The following DISC1 variants were observed in gnomAD, a reference collection of about 807,000 sequenced individuals.
The protein encoded by DISC1 is disrupted in schizophrenia 1 protein.
DISC1 carries 57 observed loss-of-function variants against 84.5 expected under a neutral mutation model. That is an observed-to-expected ratio of 0.67 (90% CI 0.55 to 0.84). DISC1 has a LOEUF of 0.84. Among genes scored for constraint, DISC1 ranks in the 40% least tolerant of loss-of-function variants. The pLI is 0.00. For synonymous variants in DISC1, 411 were observed against 415.2 expected (o/e 0.99, Z 0.12); for missense variants, 1,000 against 1,057.8 (o/e 0.95, Z 0.76).
rs928093949 is a variant in DISC1, at chr1:232,040,202, G to C, written c.*3371G>C. 4.6e-5 allele frequency: 7 copies of C among 152,050 alleles called. No homozygotes were observed. Among genetic ancestry groups the C allele is most frequent in the African/African-American group, 7.2e-5 (3 of 41,408 alleles). 9.4% of individuals were successfully genotyped at this position (152,050 alleles called of 1,614,324 possible). ...AGACAGGGCTTCACCATGTTGGCTA[G>C]GAGGGTCTCAAACTCCTGACCTCAG... On this transcript the variant is annotated 3_prime_UTR_variant, in exon 13 of 13. Transcript: ENST00000439617.
At chr1:231,700,523 G>A (rs1390181206) in intron 2 of DISC1, among the ~76,000 whole-genome samples, 1 of 152,092 alleles carries the variant, frequency 6.6e-6, no homozygotes, top group Non-Finnish European at 1.5e-5. Context: ...TTTTGGTAAG[G>A]TCTCTGGTCA....
chr1:231,708,839 G>A (rs1025291502), intron 3 of DISC1, among the ~76,000 whole-genome samples: 1 of 152,012 alleles, frequency 6.6e-6, no homozygotes. Context: ...ACAGATGAGC[G>A]CTCTACACTT....
At chr1:231,961,922 C>T (rs933634234) in intron 10 of DISC1, among the ~76,000 whole-genome samples, 8 of 152,126 alleles carry the variant, frequency 5.3e-5, no homozygotes, top group African/African-American at 1.9e-4. Context: ...GGTTGAATGG[C>T]AGTTCTGTTT....
intron 10 of DISC1, among the ~76,000 whole-genome samples, chr1:232,007,862 A>T (rs1481185318): frequency 6.6e-6 from 1 of 152,126 alleles, no homozygotes; most frequent in Non-Finnish European, 1.5e-5. Context: ...TAAGGGAGAG[A>T]CCAGGTGTAG....
intron 1 of DISC1, among the ~76,000 whole-genome samples, chr1:231,688,410 G>A (rs539684100): frequency 2.6e-5 from 4 of 152,230 alleles, no homozygotes; most frequent in Admixed American, 2.0e-4. Context: ...CGTCTGCATC[G>A]GGACTGACTT....
chr1:231,775,400 G>A (rs1447918636), intron 6 of DISC1, among the ~76,000 whole-genome samples: 1 of 152,214 alleles, frequency 6.6e-6, no homozygotes, highest in Non-Finnish European at 1.5e-5. Context: ...GAGATGGGCT[G>A]GAAGTAGAGG....
intron 3 of DISC1, among the ~76,000 whole-genome samples, chr1:231,707,093 A>G (rs115672028): frequency 0.011 from 1,727 of 152,324 alleles, 35 homozygotes; most frequent in African/African-American, 0.039. Context: ...AAGATTGAAT[A>G]GAATCGGCCA....
intron 3 of DISC1, among the ~76,000 whole-genome samples, chr1:231,736,872 T>C (rs201358960): frequency 1.2e-4 from 19 of 152,258 alleles, no homozygotes; most frequent in Non-Finnish European, 2.1e-4. Flanking sequence ...CTATATATTT[T>C]GTCATCCTGC....
chr1:231,706,873 A>G (rs2067154027), intron 3 of DISC1, among the ~76,000 whole-genome samples: 1 of 152,124 alleles, frequency 6.6e-6, no homozygotes. Flanking sequence ...CTCGTCACTG[A>G]TGGTGTGCAA....
chr1:231,789,689 C>A (rs972891299), intron 6 of DISC1, among the ~76,000 whole-genome samples: 6 of 152,140 alleles, frequency 3.9e-5, no homozygotes, highest in Non-Finnish European at 8.8e-5. Flanking sequence ...ATAAATGTCT[C>A]ATTCTGGCCC....
chr1:231,883,539 C>T (rs2086449194), intron 9 of DISC1, among the ~76,000 whole-genome samples: 2 of 152,112 alleles, frequency 1.3e-5, no homozygotes, highest in Non-Finnish European at 2.9e-5. Context: ...GTCTGTGTGC[C>T]AAGCCAAAGA....
At chr1:231,716,255 G>T (rs1341672755) in intron 3 of DISC1, among the ~76,000 whole-genome samples, 1 of 142,750 alleles carries the variant, frequency 7.0e-6, no homozygotes, top group Non-Finnish European at 1.5e-5. Flanking sequence ...CAATGATTTG[G>T]CTTCTTTTCT....
chr1:231,693,757 C>G (rs899329682), intron 1 of DISC1, 69 bp from the exon 2 acceptor site: 2 of 1,607,926 alleles, frequency 1.2e-6, no homozygotes, highest in Non-Finnish European at 1.7e-6. Flanking sequence ...GGGATGTTCT[C>G]CAGATGCAGT....
In DISC1 at chr1:231,781,160, TA is replaced by T. The variant is rs56779223; in HGVS notation, c.1634+10106del. Among the ~76,000 whole-genome samples, 217 of 117,882 alleles carry T rather than the reference TA, an allele frequency of 1.8e-3. 2 individuals are homozygous for T. Among genetic ancestry groups the T allele is most frequent in the East Asian group, 0.01 (42 of 4,078 alleles). The allele number at this position is 117,882 out of a possible 152,430, so 77.3% of individuals were successfully genotyped here. A position where few individuals can be genotyped will look rare whatever the true frequency, so the allele number is the denominator to read the frequency against. ...TGTACCCTAAAACTTAAAGTATAAT[TA>T]AAAAAAAAAAAAAAAGAAATGCAGC... On this transcript the variant is annotated intron_variant, in intron 6 of 12. Coordinates refer to ENST00000439617, the MANE Select transcript of DISC1 (RefSeq NM_018662.3).
At chr1:231,960,314 C>T (rs894886868) in intron 10 of DISC1, among the ~76,000 whole-genome samples, 23 of 152,054 alleles carry the variant, frequency 1.5e-4, no homozygotes, top group African/African-American at 5.1e-4. Context: ...AGTGCAATGG[C>T]GCTATCTTAG....
At chr1:231,767,377 A>C in intron 5 of DISC1, 108 bp downstream of exon 5, 127 of 1,479,842 alleles carry the variant, frequency 8.6e-5, no homozygotes, top group Non-Finnish European at 1.1e-4. Context: ...ATCATAGCTC[A>C]TTGCAGCCTT....
chr1:231,963,861 G>A (rs1660734821), intron 10 of DISC1, among the ~76,000 whole-genome samples: 1 of 152,156 alleles, frequency 6.6e-6, no homozygotes, highest in Non-Finnish European at 1.5e-5. Flanking sequence ...ATCCATGTGA[G>A]CAAGCAGAGG....
chr1:231,694,242 G>A lies in DISC1; in HGVS notation c.484G>A (p.Ala162Thr), dbSNP rs770237650. The A allele has an allele frequency of 2.5e-6, 4 of 1,614,090 alleles. No homozygotes were observed. Residue 162 changes from alanine (A) to threonine (T), a missense_variant, in exon 2 of 13, where the codon GCA becomes ACA. This residue lies in a region of DISC1 where 292 missense variants were observed against 280.2 expected (regional missense o/e 1.04). Transcript: ENST00000439617. ...SSETLDASWE[A>T]ACSDGARRVR... ...TGAGACCCTGGACGCCAGCTGGGAG[G>A]CAGCCTGCAGCGATGGAGCAAGGCG...
intron 9 of DISC1, among the ~76,000 whole-genome samples, chr1:231,955,011 A>G (rs535141214): frequency 6.6e-6 from 1 of 152,344 alleles, no homozygotes; most frequent in South Asian, 2.1e-4. Flanking sequence ...CTGGTGCTTC[A>G]GACACTGAGA....
Sources: gnomAD v4.1 joint callset for allele counts (sites outside exome capture counted in the v4.1 genomes callset) on GRCh38, gnomAD v4.1.1 for gene constraint, gnomAD v4.1.1 regional missense constraint, MANE v1.5 for transcripts, NCBI Gene and HGNC (gene_info 2026-07-23, HGNC 2026-07-21) for gene names.